The following AZGP1 variants were observed in gnomAD, a reference collection of about 807,000 sequenced individuals.
AZGP1 encodes zinc-alpha-2-glycoprotein.
Under a neutral mutation model 31.5 loss-of-function variants are expected in AZGP1, and 28 were observed. The observed-to-expected ratio is 0.89, with a 90% CI of 0.66 to 1.22. AZGP1 has a LOEUF of 1.22. AZGP1 is among the 50% of genes most tolerant of loss of function. AZGP1 has a pLI of 0.00. For synonymous variants in AZGP1, 135 were observed against 145.4 expected (o/e 0.93, Z 0.51); for missense variants, 361 against 371.8 (o/e 0.97, Z 0.24).
Position 99,968,050 on chromosome 7 carries a change from A to G in AZGP1, c.613+105T>C, listed in dbSNP as rs766300950. Reference sequence around the variant, plus strand: ...AAGATGAAAGCTGGGGGTCTGAGGGACATCCAGGAACAGATGAGACCGGAC... The same window carrying G: ...AAGATGAAAGCTGGGGGTCTGAGGGGCATCCAGGAACAGATGAGACCGGAC... On this transcript the variant is annotated intron_variant, in intron 3 of 3. Transcript: ENST00000292401. 1.8e-5 allele frequency: 26 copies of G among 1,426,330 alleles called. 1 individual carries two copies. In the Admixed American group the frequency reaches 4.3e-4, roughly 24 times the overall value. 88.4% of individuals were successfully genotyped at this position (1,426,330 alleles called of 1,614,324 possible).
rs1308592503 is a variant in AZGP1 at position 99,967,154 on chromosome 7, T to C, written c.746A>G (p.Glu249Gly). 1 of 1,614,140 alleles carries C rather than the reference T, an allele frequency of 6.2e-7. No homozygotes were observed. The highest frequency in any genetic ancestry group is 2.2e-5 in the East Asian group (1 of 44,878). ...ATTGTGAAGAACATCTCCCCGTAAC[T>C]CAGGCTCCTGCACCTCGCCGGCCCG... is the stretch of plus-strand genomic sequence containing the variant. ...WTRAGEVQEP[E>G]LRGDVLHNGN... Residue 249 changes from glutamate (E) to glycine (G), a missense_variant, in exon 4 of 4, where the codon GAG (glutamate) becomes GGG (glycine). By Grantham distance (98) the Glu-to-Gly change is moderately conservative. Coordinates refer to ENST00000292401, the MANE Select transcript of AZGP1 (RefSeq NM_001185.4).
At chr7:99,968,962 C>CAAAAAAA (rs869115613) in intron 2 of AZGP1, among the ~76,000 whole-genome samples, 4,770 of 26,696 alleles carry the variant, frequency 0.18, 1,992 homozygotes, top group South Asian at 0.26. Flanking sequence ...GACCCTATCT[C>CAAAAAAA]AAAAAAAAAA....
intron 2 of AZGP1, chr7:99,968,689 G>T (rs186499068): frequency 4.0e-6 from 2 of 497,642 alleles, no homozygotes; most frequent in African/African-American, 2.0e-5. Flanking sequence ...CAGCCTGGGC[G>T]CTGTGGCTCA....
chr7:99,971,353 G>C (rs576514049), intron 2 of AZGP1, among the ~76,000 whole-genome samples: 78 of 152,320 alleles, frequency 5.1e-4, no homozygotes, highest in Middle Eastern at 6.8e-3. Flanking sequence ...AGAACCACCA[G>C]GTGAGCCCAG....
At position 99,966,883 on chromosome 7, in the gene AZGP1, C is replaced by T; in HGVS notation, c.*120G>A. On this transcript the variant is annotated 3_prime_UTR_variant, in exon 4 of 4. Transcript: ENST00000292401. The stretch of plus-strand genomic sequence containing the variant: ...CAAATCCACCTCCTGTCTGTCCCCC[C>T]ACACTGCTCCTCAGGCCTTGTGGAT... 3 of 1,408,776 alleles carry T rather than the reference C, an allele frequency of 2.1e-6. No homozygotes were observed. The highest frequency in any genetic ancestry group is 2.9e-6 in the Non-Finnish European group (3 of 1,037,610). 87.3% of individuals were successfully genotyped at this position (1,408,776 alleles called of 1,614,324 possible). A position where few individuals can be genotyped will look rare whatever the true frequency, so the allele number is the denominator to read the frequency against.
At chr7:99,968,061 C>T (rs755424608) in intron 3 of AZGP1, 94 bp downstream of exon 3, 1 of 1,501,422 alleles carries the variant, frequency 6.7e-7, no homozygotes, top group Non-Finnish European at 9.2e-7. Context: ...CATCCAGGAA[C>T]AGATGAGACC....
chr7:99,975,578 T>C (rs1789647805), intron 1 of AZGP1, among the ~76,000 whole-genome samples: 1 of 152,082 alleles, frequency 6.6e-6, no homozygotes, highest in South Asian at 2.1e-4. Context: ...TCCCTCAGCG[T>C]CAGGCAGGTG....
chr7:99,973,342 GATA>G (rs1789610122), intron 1 of AZGP1, among the ~76,000 whole-genome samples: 1 of 152,104 alleles, frequency 6.6e-6, no homozygotes, highest in Admixed American at 6.6e-5. Context: ...ATTATTTTAT[GATA>G]CAATTTACAC....
At position 99,968,104 on chromosome 7, in the gene AZGP1, G is replaced by T. The variant is rs148381251; in HGVS notation, c.613+51C>A. 538 of 1,603,880 alleles carry T rather than the reference G, an allele frequency of 3.4e-4. No homozygotes were observed. The African/African-American group carries it at 6.6e-3, about 20-fold the overall frequency. ...GATGTTGCCTGAGCTCCTAGCCTGA[G>T]ATCGTCTTTTATTCTGGGCTCAGTA... On this transcript the variant is annotated intron_variant, in intron 3 of 3. Transcript: ENST00000292401.
Position 99,967,137 on chromosome 7 carries a change from G to T in AZGP1, c.763C>A (p.Leu255Ile), listed in dbSNP as rs570933446. The change falls in exon 4 of 4, where the codon CTT becomes ATT. Residue 255 changes from leucine (L) to isoleucine (I), a missense_variant. Transcript: ENST00000292401. ...TGGTAAGTGCCATTTCCATTGTGAA[G>T]AACATCTCCCCGTAACTCAGGCTCC... is the stretch of plus-strand genomic sequence containing the variant. Reference protein sequence around the residue: ...VQEPELRGDVLHNGNGTYQSW... With the variant: ...VQEPELRGDVIHNGNGTYQSW... The T allele has an allele frequency of 1.2e-6, 2 of 1,614,192 alleles. No homozygotes were observed. The highest frequency in any genetic ancestry group is 1.1e-5 in the South Asian group (1 of 91,090).
intron 1 of AZGP1, among the ~76,000 whole-genome samples, chr7:99,973,905 CAA>C (rs199566652): frequency 6.4e-4 from 37 of 58,000 alleles, no homozygotes; most frequent in Admixed American, 1.2e-3. Context: ...AACTCTGTCA[CAA>C]AAAAAAAAAA....
intron 2 of AZGP1, 156 bp from the exon 3 acceptor site, chr7:99,968,586 C>G: frequency 1.1e-6 from 1 of 908,894 alleles, no homozygotes. Context: ...GTTATTACTC[C>G]AATATATACA....
chr7:99,968,136 A>G lies in AZGP1; in HGVS notation c.613+19T>C. On this transcript the variant is annotated intron_variant, in intron 3 of 3. Transcript: ENST00000292401. ...TTTTATTCTGGGCTCAGTACTGGGG[A>G]GCAGGAAGCAGTGAGTACCTTGCCG... 6.2e-7 allele frequency: 1 copy of G among 1,613,448 alleles called. No homozygotes were observed. The highest frequency in any genetic ancestry group is 8.5e-7 in the Non-Finnish European group (1 of 1,179,888).
chr7:99,968,180 G>T lies in AZGP1; in HGVS notation c.588C>A (p.Tyr196Ter). The T allele has an allele frequency of 6.2e-7, 1 of 1,613,930 alleles. No homozygotes were observed. Among genetic ancestry groups the T allele is most frequent in the Non-Finnish European group, 8.5e-7 (1 of 1,180,006 alleles). Residue 196 changes from tyrosine to a stop codon, truncating the protein, a stop_gained, in exon 3 of 4, where the codon TAC becomes TAA. Coordinates refer to ENST00000292401, the MANE Select transcript of AZGP1 (RefSeq NM_001185.4). LOFTEE classifies it high-confidence loss of function. ...CPATLRKYLK[Y>*]SKNILDRQDP... is the part of the protein sequence containing the mutation. Reference sequence around the variant, plus strand: ...CTTGCCGGTCCAGGATATTTTTGCTGTATTTCAGGTATTTCCGCAGAGTCG... The same window carrying T: ...CTTGCCGGTCCAGGATATTTTTGCTTTATTTCAGGTATTTCCGCAGAGTCG...
At chr7:99,968,708 A>C in intron 2 of AZGP1, 1 of 438,774 alleles carries the variant, frequency 2.3e-6, no homozygotes, top group Admixed American at 4.2e-5. Flanking sequence ...CATGCCTGTA[A>C]TCCCAGCACT....
intron 2 of AZGP1, among the ~76,000 whole-genome samples, chr7:99,970,088 C>G (rs1441540048): frequency 1.3e-5 from 2 of 152,000 alleles, no homozygotes; most frequent in African/African-American, 2.4e-5. Context: ...ACTGGAGCCA[C>G]TCAACTCCCT....
chr7:99,970,933 G>A lies in AZGP1; in HGVS notation c.337+813C>T, dbSNP rs183796087. Among the ~76,000 whole-genome samples, 7 of 152,294 alleles carry A rather than the reference G, an allele frequency of 4.6e-5. No homozygotes were observed. The East Asian group carries it at 1.4e-3, about 29-fold the overall frequency. On this transcript the variant is annotated intron_variant, in intron 2 of 3. Coordinates refer to ENST00000292401, the MANE Select transcript of AZGP1 (RefSeq NM_001185.4). ...TTTAGGAGAAAGAGCACTGGGCCGGGGGCACAGGGACCATCTCTGCACGGG... is the reference window on the plus strand; with the variant it reads ...TTTAGGAGAAAGAGCACTGGGCCGGAGGCACAGGGACCATCTCTGCACGGG...
At chr7:99,971,107 G>A (rs1789569779) in intron 2 of AZGP1, among the ~76,000 whole-genome samples, 1 of 152,206 alleles carries the variant, frequency 6.6e-6, no homozygotes, top group Non-Finnish European at 1.5e-5. Context: ...GGGCTACGGT[G>A]TGTGCTGGGT....
chr7:99,971,890 C>G lies in AZGP1; in HGVS notation c.193G>C (p.Asp65His). ...DLQFFRYNSK[D>H]RKSQPMGLWR... Reference sequence around the variant, plus strand: ...AGTCCCATGGGCTGAGACTTCCTGTCTTTACTGTTGTATCTAAAGAACTGG... The same window carrying G: ...AGTCCCATGGGCTGAGACTTCCTGTGTTTACTGTTGTATCTAAAGAACTGG... Residue 65 changes from aspartate (D) to histidine (H), a missense_variant, in exon 2 of 4, where the codon GAC becomes CAC. By Grantham distance (81) the Asp-to-His change is moderately conservative. Transcript: ENST00000292401. 6.2e-7 allele frequency: 1 copy of G among 1,614,150 alleles called. No individual in the cohort carries two copies. The highest frequency in any genetic ancestry group is 1.1e-5 in the South Asian group (1 of 91,084).
Sources: gnomAD v4.1 joint callset for allele counts (sites outside exome capture counted in the v4.1 genomes callset) on GRCh38, gnomAD v4.1.1 for gene constraint, MANE v1.5 for transcripts, NCBI Gene and HGNC (gene_info 2026-07-23, HGNC 2026-07-21) for gene names.